KIF13A: variants seen among roughly 807,000 people sequenced by gnomAD.
KIF13A encodes the protein kinesin-like protein KIF13A.
A neutral mutation model predicts 212.2 loss-of-function variants in KIF13A; 79 were observed. That is an observed-to-expected ratio of 0.37 (90% confidence interval 0.31 to 0.45). KIF13A has a LOEUF of 0.45. Ranked by LOEUF, KIF13A falls within the 20% of genes least tolerant of loss-of-function variation. The probability of loss-of-function intolerance (pLI) is 1.00; values close to 1 mark genes in which losing one functional copy is unlikely to be tolerated. For synonymous variants in KIF13A, 789 were observed against 808.6 expected, an observed-to-expected ratio of 0.98 and a Z score of 0.41; for missense variants, 1,901 against 2,209.0, an observed-to-expected ratio of 0.86 and a Z score of 2.79.
rs1016637235 is a variant in KIF13A at position 17,849,226 on chromosome 6, A to T, written c.830+151T>A. The T allele has an allele frequency of 5.1e-6, 3 of 582,632 alleles. No homozygotes were observed. The African/African-American group carries it at 5.7e-5, about 11-fold the overall frequency. 36.1% of individuals were successfully genotyped at this position (582,632 alleles called of 1,614,324 possible). ...CCAAAAACCTCATACATCTTAACAG[A>T]CACAGGTTGTTGTTGTTTTTCTTCA... On this transcript the variant is annotated intron_variant, in intron 9 of 38. Coordinates refer to ENST00000259711, the MANE Select transcript of KIF13A (RefSeq NM_022113.6). The surrounding 1 kb of genome is among the most constrained non-coding windows in gnomAD (Gnocchi z 5.7).
rs747619115 is a variant in KIF13A, at chr6:17,987,169, T to TGCAAAGTCCAGCATCC, written c.56-41_56-26dup. The TGCAAAGTCCAGCATCC allele has an allele frequency of 4.4e-6, 7 of 1,580,560 alleles. No individual in the cohort carries two copies. The South Asian group carries it at 7.8e-5, about 18-fold the overall frequency. On this transcript the variant is annotated intron_variant, in intron 1 of 38. Coordinates refer to ENST00000259711, the MANE Select transcript of KIF13A (RefSeq NM_022113.6). The surrounding 1 kb of genome is among the most constrained non-coding windows in gnomAD (Gnocchi z 7.7). Reference sequence around the variant, plus strand: ...TCTGAAAGCAGAGAGAAAGGGACGTTGCAAAGTCCAGCATCCGCGCCTCCA... The same window carrying TGCAAAGTCCAGCATCC: ...TCTGAAAGCAGAGAGAAAGGGACGTTGCAAAGTCCAGCATCCGCAAAGTCCAGCATCCGCGCCTCCA...
chr6:17,828,907 C>T lies in KIF13A; in HGVS notation c.1402-537G>A, dbSNP rs886238967. Among the ~76,000 whole-genome samples the T allele has an allele frequency of 2.6e-5, 4 of 151,822 alleles. No homozygotes were observed. The highest frequency in any genetic ancestry group is 5.9e-5 in the Non-Finnish European group (4 of 67,994). On this transcript the variant is annotated intron_variant, in intron 13 of 38. Coordinates refer to ENST00000259711, the MANE Select transcript of KIF13A (RefSeq NM_022113.6). The surrounding 1 kb of genome is among the most constrained non-coding windows in gnomAD (Gnocchi z 4.3). ...TTTTGAATTTCTAATACTGATATTA[C>T]ATACAGTATTAATGCCTGTGGGTCA...
In KIF13A at chr6:17,763,737, T is replaced by C; in HGVS notation, c.*373A>G. ...AATTGGCAGTATTTTTTCTTAATGA[T>C]ACATAAAATAATGGTTCATATAATA... On this transcript the variant is annotated 3_prime_UTR_variant, in exon 39 of 39. Coordinates refer to ENST00000259711, the MANE Select transcript of KIF13A (RefSeq NM_022113.6). The C allele has an allele frequency of 1.5e-6, 1 of 654,660 alleles. No homozygotes were observed. The highest frequency in any genetic ancestry group is 1.9e-6 in the Non-Finnish European group (1 of 514,106). 40.6% of individuals were successfully genotyped at this position (654,660 alleles called of 1,614,324 possible). A position where few individuals can be genotyped will look rare whatever the true frequency, so the allele number is the denominator to read the frequency against.
intron 4 of KIF13A, among the ~76,000 whole-genome samples, chr6:17,864,447 C>T (rs1200420997): frequency 1.3e-5 from 2 of 152,166 alleles, no homozygotes; most frequent in African/African-American, 4.8e-5. Flanking sequence ...CAAGCAAAGT[C>T]ACAGACCTGA....
chr6:17,790,650 C>T (rs1424962323), intron 25 of KIF13A, among the ~76,000 whole-genome samples: 4 of 152,042 alleles, frequency 2.6e-5, no homozygotes, highest in Non-Finnish European at 5.9e-5. Flanking sequence ...ATGATTTAAC[C>T]TTAGGACCAC....
chr6:17,798,734 A>C (rs1490207033), intron 22 of KIF13A, among the ~76,000 whole-genome samples: 1 of 152,176 alleles, frequency 6.6e-6, no homozygotes, highest in Non-Finnish European at 1.5e-5. Context: ...AACCACATTC[A>C]CCACAAATTC....
rs924695673 is a variant in KIF13A, at chr6:17,934,309, G to T, written c.147-36129C>A. On this transcript the variant is annotated intron_variant, in intron 2 of 38. Coordinates refer to ENST00000259711, the MANE Select transcript of KIF13A (RefSeq NM_022113.6). This position sits in a 1 kb window ranked among gnomAD's most constrained non-coding sequence, Gnocchi z 5.4. ...GTAGCGTGCACTTGCAGGTAGGCAAGAAAAGAAACCTACACCAGTTGCTTA... is the reference window on the plus strand; with the variant it reads ...GTAGCGTGCACTTGCAGGTAGGCAATAAAAGAAACCTACACCAGTTGCTTA... Among the ~76,000 whole-genome samples, 1 of 152,118 alleles carries T rather than the reference G, an allele frequency of 6.6e-6. No homozygotes were observed. The highest frequency in any genetic ancestry group is 1.5e-5 in the Non-Finnish European group (1 of 68,028).
At chr6:17,797,992 C>T (rs1762189059) in intron 22 of KIF13A, among the ~76,000 whole-genome samples, 1 of 152,144 alleles carries the variant, frequency 6.6e-6, no homozygotes, top group Admixed American at 6.5e-5. Flanking sequence ...ACGAAGTAGG[C>T]AACGAGCCAA....
intron 2 of KIF13A, among the ~76,000 whole-genome samples, chr6:17,929,414 T>C (rs1198008261): frequency 6.6e-6 from 1 of 151,684 alleles, no homozygotes; most frequent in Non-Finnish European, 1.5e-5. Context: ...ATTTTTTTTT[T>C]TTTTGAGACA....
At chr6:17,909,919 A>T (rs1054407363) in intron 2 of KIF13A, among the ~76,000 whole-genome samples, 2 of 152,186 alleles carry the variant, frequency 1.3e-5, no homozygotes, top group African/African-American at 4.8e-5. Flanking sequence ...GGGAAAAAAA[A>T]CTCTGGAAAG....
chr6:17,797,553 T>C (rs781357446), intron 22 of KIF13A, among the ~76,000 whole-genome samples: 8 of 152,196 alleles, frequency 5.3e-5, no homozygotes, highest in Non-Finnish European at 1.0e-4. Flanking sequence ...GTTATCTTCA[T>C]GACTTTATGC....
At chr6:17,792,858 A>G (rs1246575857) in intron 25 of KIF13A, among the ~76,000 whole-genome samples, 2 of 152,238 alleles carry the variant, frequency 1.3e-5, no homozygotes, top group African/African-American at 4.8e-5. Flanking sequence ...AAAGGAAACT[A>G]AGATAGAAGA....
chr6:17,814,045 C>T (rs1763685867), intron 17 of KIF13A, among the ~76,000 whole-genome samples: 1 of 149,308 alleles, frequency 6.7e-6, no homozygotes, highest in Non-Finnish European at 1.5e-5. Flanking sequence ...CTCCGCCTCC[C>T]AGGTTCACGC....
rs114194445 is a variant in KIF13A, at chr6:17,934,123, T to C, written c.147-35943A>G. Among the ~76,000 whole-genome samples, 2,036 of 152,262 alleles carry C rather than the reference T, an allele frequency of 0.013. 46 individuals carry two copies. The highest frequency in any genetic ancestry group is 0.047 in the African/African-American group (1,933 of 41,546). ...AAGTAAACATTTAAGTTGAAAAGAA[T>C]AAAAAGACAAGCATTTTCATAAAAA... On this transcript the variant is annotated intron_variant, in intron 2 of 38. Transcript: ENST00000259711. This position sits in a 1 kb window ranked among gnomAD's most constrained non-coding sequence, Gnocchi z 5.4.
In KIF13A at chr6:17,831,177, A is replaced by G; in HGVS notation, c.1325T>C (p.Val442Ala). The G allele has an allele frequency of 6.2e-7, 1 of 1,613,864 alleles. No homozygotes were observed. Among genetic ancestry groups the G allele is most frequent in the Non-Finnish European group, 8.5e-7 (1 of 1,179,832 alleles). The change falls in exon 13 of 39, where the codon GTG becomes GCG. Residue 442 changes from valine to alanine, a missense_variant. By Grantham distance (64) the Val-to-Ala change is moderately conservative. Coordinates refer to ENST00000259711, the MANE Select transcript of KIF13A (RefSeq NM_022113.6). ...GACTAAGTAGCATTTGTCATCCCCC[A>G]CCTTGATACCGGACATCTCCAGGGA... Reference protein sequence around the residue: ...GISLEMSGIKVGDDKCYLVNL... With the variant: ...GISLEMSGIKAGDDKCYLVNL...
chr6:17,832,333 A>G (rs1313322247), intron 12 of KIF13A, among the ~76,000 whole-genome samples: 2 of 152,230 alleles, frequency 1.3e-5, no homozygotes, highest in Non-Finnish European at 2.9e-5. Context: ...AAAGAATCAA[A>G]TACATTGAAA....
intron 2 of KIF13A, among the ~76,000 whole-genome samples, chr6:17,932,542 T>G (rs1776080919): frequency 6.6e-6 from 1 of 152,232 alleles, no homozygotes; most frequent in East Asian, 1.9e-4. Flanking sequence ...GAATCTATTT[T>G]GGGGTTACTT....
At chr6:17,827,010 C>T (rs952277360) in intron 14 of KIF13A, among the ~76,000 whole-genome samples, 2 of 150,650 alleles carry the variant, frequency 1.3e-5, no homozygotes, top group African/African-American at 2.4e-5. Flanking sequence ...TGCAGTGAGC[C>T]GAGATCTTGC....
intron 18 of KIF13A, 117 bp from the exon 19 acceptor site, chr6:17,805,732 G>T: frequency 1.1e-6 from 1 of 896,232 alleles, no homozygotes; most frequent in South Asian, 1.9e-5. Flanking sequence ...GCATACAAAA[G>T]AAGATAAAAT....
Sources: allele counts gnomAD v4.1 joint callset (sites outside exome capture counted in the v4.1 genomes callset), GRCh38; gene constraint gnomAD v4.1.1; non-coding constraint Gnocchi (gnomAD v3.1); transcripts MANE v1.5; gene names NCBI Gene and HGNC (gene_info 2026-07-23, HGNC 2026-07-21).